Variants in DYM observed in about 807,000 individuals in gnomAD.
The protein encoded by DYM is dyggve-Melchior-Clausen syndrome protein.
Under a neutral mutation model 93.1 loss-of-function variants are expected in DYM, and 78 were observed. That is an observed-to-expected ratio of 0.84 (90% CI 0.70 to 1.01). The LOEUF (loss-of-function observed/expected upper bound fraction) is 1.01. DYM is among the 50% of genes least tolerant of loss of function. The pLI, the probability that DYM is intolerant of heterozygous loss-of-function variation, is 0.00. For synonymous variants in DYM, 321 were observed against 319.7 expected, an observed-to-expected ratio of 1.00 and a Z score of -0.04; for missense variants, 789 against 845.0, an observed-to-expected ratio of 0.93 and a Z score of 0.82.
intron 15 of DYM, among the ~76,000 whole-genome samples, chr18:49,143,560 A>G (rs1057280729): frequency 1.3e-5 from 2 of 152,162 alleles, no homozygotes; most frequent in African/African-American, 4.8e-5. Flanking sequence ...GAGAAAACCA[A>G]ATATCAGAGA....
chr18:49,273,491 C>T (rs1345707590), intron 10 of DYM, among the ~76,000 whole-genome samples: 2 of 152,158 alleles, frequency 1.3e-5, no homozygotes, highest in African/African-American at 2.4e-5. Flanking sequence ...TTTCCATTAA[C>T]AACAGACCAC....
At chr18:49,236,160 G>A (rs931319791) in intron 13 of DYM, among the ~76,000 whole-genome samples, 5 of 152,024 alleles carry the variant, frequency 3.3e-5, no homozygotes, top group Admixed American at 1.3e-4. Flanking sequence ...AATGGCCTGC[G>A]AAATGCCCAT....
intron 13 of DYM, among the ~76,000 whole-genome samples, chr18:49,216,815 A>G (rs935552110): frequency 6.6e-6 from 1 of 151,990 alleles, no homozygotes; most frequent in African/African-American, 2.4e-5. Context: ...AAAACAGAGC[A>G]AAAAAACTGG....
intron 15 of DYM, among the ~76,000 whole-genome samples, chr18:49,120,627 G>T (rs1392831764): frequency 6.6e-6 from 1 of 152,156 alleles, no homozygotes; most frequent in African/African-American, 2.4e-5. Context: ...TGCGTTGGTT[G>T]AATCTGTGCA....
chr18:49,364,175 T>C (rs1171835114), intron 5 of DYM, among the ~76,000 whole-genome samples: 1 of 152,172 alleles, frequency 6.6e-6, no homozygotes, highest in Non-Finnish European at 1.5e-5. Flanking sequence ...CTGGGTGTGG[T>C]GGCTCACACC....
chr18:49,383,886 G>C (rs1361785756), intron 3 of DYM, among the ~76,000 whole-genome samples: 1 of 152,130 alleles, frequency 6.6e-6, no homozygotes, highest in Non-Finnish European at 1.5e-5. Flanking sequence ...GATAAGAAAT[G>C]AGTTACGCTG....
intron 14 of DYM, among the ~76,000 whole-genome samples, chr18:49,200,393 T>C (rs1439057562): frequency 6.6e-6 from 1 of 151,986 alleles, no homozygotes. Flanking sequence ...TAGCAGTATA[T>C]AATTTTATAT....
chr18:49,423,183 T>C (rs1019059035), intron 2 of DYM, among the ~76,000 whole-genome samples: 1 of 152,154 alleles, frequency 6.6e-6, no homozygotes, highest in African/African-American at 2.4e-5. Context: ...ACAGAAATTA[T>C]AACAAACTGT....
intron 5 of DYM, among the ~76,000 whole-genome samples, chr18:49,367,418 C>T (rs2066620976): frequency 6.6e-6 from 1 of 152,218 alleles, no homozygotes; most frequent in Admixed American, 6.5e-5. Flanking sequence ...AAGCTGCAGT[C>T]CCTGTTAGTT....
At chr18:49,145,134 T>TATATATATATATATATATATAA (rs1555778609) in intron 15 of DYM, among the ~76,000 whole-genome samples, 6,328 of 78,764 alleles carry the variant, frequency 0.08, 1,109 homozygotes, top group Non-Finnish European at 0.12. Context: ...TATATATATA[T>TATATATATATATATATATATAA]AATTTATATA....
intron 14 of DYM, among the ~76,000 whole-genome samples, chr18:49,201,897 T>C (rs1052228766): frequency 6.6e-6 from 1 of 152,234 alleles, no homozygotes; most frequent in South Asian, 2.1e-4. Context: ...AATGGTATTA[T>C]TTTTCTGTCT....
chr18:49,210,390 C>T (rs550853858), intron 13 of DYM, among the ~76,000 whole-genome samples: 5 of 152,178 alleles, frequency 3.3e-5, no homozygotes, highest in African/African-American at 9.6e-5. Context: ...AAAAAATGAG[C>T]TATGAAGTCA....
intron 14 of DYM, chr18:49,206,335 C>T: frequency 6.5e-6 from 1 of 154,000 alleles, no homozygotes; most frequent in African/African-American, 2.4e-5. Flanking sequence ...TTATATTTCT[C>T]TCTAGAAACT....
intron 11 of DYM, among the ~76,000 whole-genome samples, chr18:49,259,347 T>C (rs1447145750): frequency 6.6e-6 from 1 of 152,214 alleles, no homozygotes; most frequent in East Asian, 1.9e-4. Flanking sequence ...CAAGACTCTC[T>C]TCTAATTACC....
At chr18:49,352,796 T>A (rs566834516) in intron 6 of DYM, among the ~76,000 whole-genome samples, 14 of 152,326 alleles carry the variant, frequency 9.2e-5, no homozygotes, top group African/African-American at 3.4e-4. Context: ...TTAGCAAAGT[T>A]TGATGCCCAA....
intron 14 of DYM, among the ~76,000 whole-genome samples, chr18:49,191,173 G>C (rs1038410019): frequency 6.6e-6 from 1 of 152,076 alleles, no homozygotes; most frequent in Admixed American, 6.5e-5. Context: ...CCCCAGAAAA[G>C]CTTCTGCTTG....
chr18:49,170,780 C>CA (rs34297501), intron 14 of DYM, among the ~76,000 whole-genome samples: 434 of 31,234 alleles, frequency 0.014, 97 homozygotes, highest in Admixed American at 0.025. Flanking sequence ...GACTCCGTCT[C>CA]AAAAAAAAAA....
chr18:49,291,622 C>T (rs487767), intron 8 of DYM, among the ~76,000 whole-genome samples: 111,222 of 151,994 alleles, frequency 0.73, 40,640 homozygotes, highest in Admixed American at 0.76. Flanking sequence ...AGAGGTTTTT[C>T]TGTTTTGTTT....
intron 14 of DYM, among the ~76,000 whole-genome samples, chr18:49,183,428 T>A (rs983806421): frequency 5.3e-5 from 8 of 152,094 alleles, no homozygotes; most frequent in Non-Finnish European, 1.0e-4. Flanking sequence ...ATCAGTCCGC[T>A]CATCATTCCT....
Sources: gnomAD v4.1 joint callset for allele counts (sites outside exome capture counted in the v4.1 genomes callset) on GRCh38, gnomAD v4.1.1 for gene constraint, MANE v1.5 for transcripts, NCBI Gene and HGNC (gene_info 2026-07-23, HGNC 2026-07-21) for gene names.